Variants in SCAMP4 observed in about 807,000 individuals in gnomAD.
The protein encoded by SCAMP4 is secretory carrier-associated membrane protein 4.
SCAMP4 carries 19 observed loss-of-function variants against 32.1 expected under a neutral mutation model. The ratio of observed to expected loss-of-function variants is 0.59; its 90% CI spans 0.41 to 0.87. The LOEUF (loss-of-function observed/expected upper bound fraction) is 0.87. Ranked by LOEUF, SCAMP4 falls within the 40% of genes least tolerant of loss-of-function variation. The probability of loss-of-function intolerance (pLI) is 0.00; values close to 1 mark genes in which losing one functional copy is unlikely to be tolerated. For missense variants in SCAMP4, 302 were observed against 309.0 expected (o/e 0.98, Z 0.17); for synonymous variants, 152 against 132.7 (o/e 1.15, Z -1.00).
intron 5 of SCAMP4, chr19:1,921,817 AG>A (rs2013929514): frequency 4.1e-6 from 4 of 983,864 alleles, no homozygotes; most frequent in South Asian, 4.7e-5. Context: ...CCATCTCTCC[AG>A]AAAAAAAAAA....
intron 6 of SCAMP4, among the ~76,000 whole-genome samples, chr19:1,923,847 A>C (rs7248688): frequency 4.0e-5 from 5 of 126,078 alleles, no homozygotes; most frequent in Admixed American, 8.9e-5. Context: ...GGATGGTCTC[A>C]ATCTCCTGAC....
rs1249600406 is a variant in SCAMP4 at position 1,918,131 on chromosome 19, C to T, written c.141C>T (p.Tyr47=). 3 of 1,609,924 alleles carry T rather than the reference C, an allele frequency of 1.9e-6. No individual in the cohort carries two copies. The highest frequency in any genetic ancestry group is 1.7e-6 in the Non-Finnish European group (2 of 1,178,060). Residue 47 remains tyrosine, a synonymous_variant, in exon 4 of 7, where the codon TAC becomes TAT. Transcript: ENST00000316097. ...GTCCTCCCTCTCTCTTCGCAGTTTACTGCGCCACCCTCGGCGTCAACCTCA... is the reference window on the plus strand; with the variant it reads ...GTCCTCCCTCTCTCTTCGCAGTTTATTGCGCCACCCTCGGCGTCAACCTCA... ...VKRIYRLWMF[Y]CATLGVNLIA... is the part of the protein sequence containing the mutation.
chr19:1,919,610 C>T (rs1443068834), intron 5 of SCAMP4: 1 of 265,308 alleles, frequency 3.8e-6, no homozygotes, highest in Non-Finnish European at 5.8e-6. Context: ...AATTCTCCTG[C>T]CTCAGCCTCC....
At chr19:1,918,559 C>T in intron 4 of SCAMP4, 1 of 508,954 alleles carries the variant, frequency 2.0e-6, no homozygotes, top group South Asian at 2.7e-5. Context: ...GTCAGGAGTT[C>T]AAGACCAGCC....
intron 2 of SCAMP4, chr19:1,915,376 G>A (rs968131500): frequency 1.6e-5 from 6 of 378,112 alleles, no homozygotes; most frequent in African/African-American, 2.1e-5. Context: ...CCAGTGGGGC[G>A]TAAGCCCCTG....
rs1340258810 is a variant in SCAMP4 at position 1,908,949 on chromosome 19, AC to A, written c.-42+3511del. ...GTGGAACCCCGTCTCTACTGAAAAT[AC>A]AAAAATTAGCCGGGCGTGGTGGCAT... On this transcript the variant is annotated intron_variant, in intron 1 of 6. Coordinates refer to ENST00000316097, the MANE Select transcript of SCAMP4 (RefSeq NM_079834.4). The surrounding 1 kb of genome is among the most constrained non-coding windows in gnomAD (Gnocchi z 4.2). Among the ~76,000 whole-genome samples, 4 of 152,206 alleles carry A rather than the reference AC, an allele frequency of 2.6e-5. No homozygotes were observed. The highest frequency in any genetic ancestry group is 1.9e-4 in the East Asian group (1 of 5,178).
chr19:1,925,864 C>T lies in SCAMP4; in HGVS notation c.*1580C>T, dbSNP rs758708195. On this transcript the variant is annotated 3_prime_UTR_variant, in exon 7 of 7. Transcript: ENST00000316097. ...TGCCAAGAGGCACCCCCTTCCCCAG[C>T]CTCTCGCCTGCACTGATGCAGACAA... 7.7e-4 allele frequency: 117 copies of T among 152,574 alleles called. 1 individual carries two copies. The highest frequency in any genetic ancestry group is 1.9e-3 in the South Asian group (9 of 4,818). The allele number at this position is 152,574 out of a possible 1,614,324, so 9.5% of individuals were successfully genotyped here. A position where few individuals can be genotyped will look rare whatever the true frequency, so the allele number is the denominator to read the frequency against.
At chr19:1,916,194 C>T (rs1464657252) in intron 2 of SCAMP4, among the ~76,000 whole-genome samples, 2 of 145,772 alleles carry the variant, frequency 1.4e-5, no homozygotes, top group Non-Finnish European at 3.0e-5. Context: ...GCCGAGATCA[C>T]GCCACTGCAC....
chr19:1,920,597 G>A (rs1452617850), intron 5 of SCAMP4: 20 of 985,300 alleles, frequency 2.0e-5, no homozygotes, highest in Non-Finnish European at 2.2e-5. Context: ...GTGAGCGTGT[G>A]CCTGGGACTC....
In SCAMP4 at chr19:1,913,801, C is replaced by T. The variant is rs1329904390; in HGVS notation, c.-41-1178C>T. On this transcript the variant is annotated intron_variant, in intron 1 of 6. Coordinates refer to ENST00000316097, the MANE Select transcript of SCAMP4 (RefSeq NM_079834.4). ...ACAGTGAGGACTAGAGCCGTTTTTG[C>T]AGAACTTGGAGCAGGACCTGTGGGT... Among the ~76,000 whole-genome samples the T allele has an allele frequency of 3.9e-5, 6 of 152,240 alleles. No individual in the cohort carries two copies. In the East Asian group the frequency reaches 1.2e-3, roughly 29 times the overall value.
At chr19:1,913,483 C>T (rs1332937086) in intron 1 of SCAMP4, 2 of 409,650 alleles carry the variant, frequency 4.9e-6, no homozygotes, top group Non-Finnish European at 4.5e-6. Flanking sequence ...CCTTTGTGGC[C>T]AGGGTCCCGA....
intron 5 of SCAMP4, chr19:1,922,462 TG>T: frequency 1.2e-6 from 1 of 851,580 alleles, no homozygotes; most frequent in Non-Finnish European, 1.4e-6. Context: ...CTCCAGTTCC[TG>T]GCCTCAAGTG....
intron 1 of SCAMP4, chr19:1,913,111 T>C: frequency 6.3e-7 from 1 of 1,591,218 alleles, no homozygotes; most frequent in Non-Finnish European, 8.5e-7. Flanking sequence ...TTCCGCGGGG[T>C]GCTGGAGGAG....
intron 5 of SCAMP4, chr19:1,920,985 G>C (rs1041930016): frequency 1.0e-6 from 1 of 985,404 alleles, no homozygotes; most frequent in Non-Finnish European, 1.2e-6. Flanking sequence ...CTGAGCATGC[G>C]GTCCCTGCCC....
chr19:1,919,718 C>G (rs1198142959), intron 5 of SCAMP4, among the ~76,000 whole-genome samples: 1 of 151,562 alleles, frequency 6.6e-6, no homozygotes, highest in Non-Finnish European at 1.5e-5. Context: ...AGGCTGGTAT[C>G]GAACTCCCGA....
rs77329316 is a variant in SCAMP4 at position 1,923,119 on chromosome 19, G to A, written c.445G>A (p.Val149Met). The A allele has an allele frequency of 4.1e-4, 643 of 1,553,074 alleles. 6 individuals are homozygous for A. The East Asian group carries it at 0.012, about 30-fold the overall frequency. ...GFFQYSPGAA[V>M]VMLLPAIMFS... ...CTTCCAGTACAGCCCGGGCGCTGCC[G>A]TGGTCATGCTGCTTCCAGCCATCAT... The change falls in exon 6 of 7, where the codon GTG (valine) becomes ATG (methionine). Residue 149 changes from valine (V) to methionine (M), a missense_variant. Physicochemically the swap from Val to Met is conservative, Grantham distance 21. Transcript: ENST00000316097.
At chr19:1,916,765 G>A (rs1653551327) in intron 2 of SCAMP4, among the ~76,000 whole-genome samples, 1 of 152,206 alleles carries the variant, frequency 6.6e-6, no homozygotes, top group Non-Finnish European at 1.5e-5. Context: ...GGCAGTTTCT[G>A]TTGTTCTAAG....
At chr19:1,923,363 G>A (rs1427042607) in intron 6 of SCAMP4, among the ~76,000 whole-genome samples, 176 bp downstream of exon 6, 1 of 152,114 alleles carries the variant, frequency 6.6e-6, no homozygotes, top group Non-Finnish European at 1.5e-5. Context: ...TGTCACCAGG[G>A]ACACTCCCAG....
intron 1 of SCAMP4, among the ~76,000 whole-genome samples, chr19:1,909,586 AGCAGGGATGTCCTCACCTGTGCCAGCG>A (rs1458895709): frequency 5.0e-4 from 50 of 99,724 alleles, no homozygotes; most frequent in African/African-American, 2.5e-3. Context: ...CTGTGCCAGC[AGCAGGGATGTCCTCACCTGTGCCAGCG>A]GCAGGGATGG....
Sources: allele counts gnomAD v4.1 joint callset (sites outside exome capture counted in the v4.1 genomes callset), GRCh38; gene constraint gnomAD v4.1.1; non-coding constraint Gnocchi (gnomAD v3.1); transcripts MANE v1.5; gene names NCBI Gene and HGNC (gene_info 2026-07-23, HGNC 2026-07-21).